The following SLC20A2 variants were observed in gnomAD, a reference collection of about 807,000 sequenced individuals.
The protein encoded by SLC20A2 is sodium-dependent phosphate transporter 2.
A neutral mutation model predicts 61.0 loss-of-function variants in SLC20A2; 30 were observed. The observed-to-expected ratio is 0.49, with a 90% CI of 0.37 to 0.67. SLC20A2 has a LOEUF of 0.67. SLC20A2 is among the 30% of genes least tolerant of loss of function. The pLI, the probability that SLC20A2 is intolerant of heterozygous loss-of-function variation, is 0.00. For synonymous variants in SLC20A2, 351 were observed against 353.3 expected (o/e 0.99, Z 0.07); for missense variants, 626 against 866.4 (o/e 0.72, Z 3.48).
At chr8:42,479,778 T>C (rs1467788129) in intron 1 of SLC20A2, among the ~76,000 whole-genome samples, 9 of 152,094 alleles carry the variant, frequency 5.9e-5, no homozygotes, top group South Asian at 2.1e-4. Context: ...TGACCTGAGA[T>C]TGAGCCACTG....
At position 42,472,531 on chromosome 8, in the gene SLC20A2, G is replaced by T; in HGVS notation, c.-141C>A. Reference sequence around the variant, plus strand: ...AAAGTGCTGGACAATGTTAGAGGCTGGACAAACTGCTAGCTGCTGGTTTGC... The same window carrying T: ...AAAGTGCTGGACAATGTTAGAGGCTTGACAAACTGCTAGCTGCTGGTTTGC... On this transcript the variant is annotated 5_prime_UTR_variant, in exon 2 of 11. Coordinates refer to ENST00000520262, the MANE Select transcript of SLC20A2 (RefSeq NM_001257180.2). This position sits in a 1 kb window ranked among gnomAD's most constrained non-coding sequence, Gnocchi z 4.1. The T allele has an allele frequency of 2.7e-6, 2 of 732,910 alleles. No homozygotes were observed. Among genetic ancestry groups the T allele is most frequent in the Non-Finnish European group, 4.4e-6 (2 of 456,538 alleles). The allele number at this position is 732,910 out of a possible 1,614,324, so 45.4% of individuals were successfully genotyped here. A position where few individuals can be genotyped will look rare whatever the true frequency, so the allele number is the denominator to read the frequency against.
At chr8:42,438,056 AAAAAACC>A (rs1214102511) in intron 7 of SLC20A2, among the ~76,000 whole-genome samples, 25 of 130,034 alleles carry the variant, frequency 1.9e-4, no homozygotes, top group Middle Eastern at 3.5e-3. Context: ...CCACTAAAAA[AAAAAACC>A]AAAAAAAAAA....
intron 10 of SLC20A2, 107 bp downstream of exon 10, chr8:42,428,651 T>C (rs1803601734): frequency 1.1e-6 from 1 of 914,610 alleles, no homozygotes; most frequent in African/African-American, 1.7e-5. Context: ...GGAGCTGCAT[T>C]TTGCACAACC....
intron 1 of SLC20A2, among the ~76,000 whole-genome samples, chr8:42,529,735 G>A (rs1415664654): frequency 6.6e-6 from 1 of 152,136 alleles, no homozygotes; most frequent in Non-Finnish European, 1.5e-5. Flanking sequence ...GAATCTTCCA[G>A]AGAACACAAA....
chr8:42,482,612 C>G (rs948491270), intron 1 of SLC20A2, among the ~76,000 whole-genome samples: 50 of 152,176 alleles, frequency 3.3e-4, no homozygotes, highest in Admixed American at 2.9e-3. Flanking sequence ...ACCCAGCTAC[C>G]CAGGAGGCTG....
chr8:42,443,599 G>C (rs1218957536), intron 6 of SLC20A2, among the ~76,000 whole-genome samples: 1 of 151,678 alleles, frequency 6.6e-6, no homozygotes, highest in East Asian at 1.9e-4. Flanking sequence ...CAAAGTGCTG[G>C]GATTACAGGT....
At position 42,437,613 on chromosome 8, in the gene SLC20A2, T is replaced by C; in HGVS notation, c.935-36A>G. The C allele has an allele frequency of 7.5e-6, 3 of 401,966 alleles. No homozygotes were observed. The highest frequency in any genetic ancestry group is 6.3e-5 in the South Asian group (1 of 15,778). 24.9% of individuals were successfully genotyped at this position (401,966 alleles called of 1,614,324 possible). A position where few individuals can be genotyped will look rare whatever the true frequency, so the allele number is the denominator to read the frequency against. On this transcript the variant is annotated intron_variant, in intron 7 of 10. Transcript: ENST00000520262. The surrounding 1 kb of genome is among the most constrained non-coding windows in gnomAD (Gnocchi z 6.4). ...TTAGAGAAGGTCTCATTTTCCAGTC[T>C]TTTTTTTTTTTTTCTTTTCTTTTTG...
At chr8:42,458,999 G>A (rs1367635662) in intron 5 of SLC20A2, among the ~76,000 whole-genome samples, 1 of 129,924 alleles carries the variant, frequency 7.7e-6, no homozygotes, top group East Asian at 2.3e-4. Flanking sequence ...GCGGCCAGGC[G>A]CAGTGGCTCA....
Position 42,482,043 on chromosome 8 carries a change from G to GA in SLC20A2, c.-264-9390dup, listed in dbSNP as rs1808591709. Among the ~76,000 whole-genome samples, 7 of 152,268 alleles carry GA rather than the reference G, an allele frequency of 4.6e-5. No homozygotes were observed. The South Asian group carries it at 1.4e-3, about 32-fold the overall frequency. ...AGTGCATATATTTTTAAAGGAAAAGGAAACAGCAAAAAATAATTAAAATGA... is the reference window on the plus strand; with the variant it reads ...AGTGCATATATTTTTAAAGGAAAAGGAAAACAGCAAAAAATAATTAAAATGA... On this transcript the variant is annotated intron_variant, in intron 1 of 10. Transcript: ENST00000520262.
intron 2 of SLC20A2, among the ~76,000 whole-genome samples, chr8:42,469,796 C>T (rs1017504986): frequency 1.3e-5 from 2 of 151,780 alleles, no homozygotes; most frequent in Admixed American, 6.6e-5. Flanking sequence ...GGTGTGGTGT[C>T]GGGTGCCTGT....
intron 1 of SLC20A2, among the ~76,000 whole-genome samples, chr8:42,515,799 G>A (rs1317891585): frequency 6.6e-6 from 1 of 152,152 alleles, no homozygotes; most frequent in Non-Finnish European, 1.5e-5. Context: ...AAAAATGTTT[G>A]ACAATATTTA....
intron 1 of SLC20A2, among the ~76,000 whole-genome samples, chr8:42,488,944 T>G (rs553045491): frequency 3.1e-4 from 45 of 143,758 alleles, no homozygotes; most frequent in East Asian, 7.9e-4. Flanking sequence ...TGTTTTTTTT[T>G]TTTTTTTTTT....
At chr8:42,474,279 C>A (rs936125689) in intron 1 of SLC20A2, among the ~76,000 whole-genome samples, 2 of 152,080 alleles carry the variant, frequency 1.3e-5, no homozygotes, top group Non-Finnish European at 2.9e-5. Context: ...CTTTCCTCCC[C>A]AAACTGTATA....
Position 42,417,750 on chromosome 8 carries a change from A to G in SLC20A2, c.*53T>C, listed in dbSNP as rs1802766216. 6.3e-7 allele frequency: 1 copy of G among 1,591,882 alleles called. No individual in the cohort carries two copies. The highest frequency in any genetic ancestry group is 8.6e-7 in the Non-Finnish European group (1 of 1,162,082). The stretch of plus-strand genomic sequence containing the variant: ...TGCGGCACGAGCACACATGTCTCCC[A>G]CACGCCAACACCAGACCATCCCTTT... On this transcript the variant is annotated 3_prime_UTR_variant, in exon 11 of 11. Coordinates refer to ENST00000520262, the MANE Select transcript of SLC20A2 (RefSeq NM_001257180.2).
rs192865886 is a variant in SLC20A2, at chr8:42,433,736, A to G, written c.1523+3253T>C. Among the ~76,000 whole-genome samples the G allele has an allele frequency of 3.1e-3, 473 of 152,382 alleles. 2 individuals are homozygous for G. Among genetic ancestry groups the G allele is most frequent in the Non-Finnish European group, 4.6e-3 (312 of 68,042 alleles). Reference sequence around the variant, plus strand: ...ATAATATTCCAGTGTATGCATGGACATAATTTGTTTCCATTCACCTGGCAG... The same window carrying G: ...ATAATATTCCAGTGTATGCATGGACGTAATTTGTTTCCATTCACCTGGCAG... On this transcript the variant is annotated intron_variant, in intron 8 of 10. Transcript: ENST00000520262.
rs957824104 is a variant in SLC20A2, at chr8:42,540,071, C to T, written c.-265+1750G>A. 4.2e-4 allele frequency among the ~76,000 whole-genome samples: 64 copies of T among 152,212 alleles called. 1 individual carries two copies. Among genetic ancestry groups the T allele is most frequent in the Admixed American group, 2.2e-3 (34 of 15,282 alleles). On this transcript the variant is annotated intron_variant, in intron 1 of 10. Transcript: ENST00000342228. ...CTTTGGGAGGCCGAGGCGGGCGGAACACCTGAGGTCTGGAGTTCGAGACCA... is the reference window on the plus strand; with the variant it reads ...CTTTGGGAGGCCGAGGCGGGCGGAATACCTGAGGTCTGGAGTTCGAGACCA...
intron 8 of SLC20A2, among the ~76,000 whole-genome samples, chr8:42,436,272 C>T (rs1232039337): frequency 6.6e-6 from 1 of 152,114 alleles, no homozygotes; most frequent in Non-Finnish European, 1.5e-5. Context: ...GCACCCAGCC[C>T]GGCCTGTCCT....
At chr8:42,495,279 T>C (rs1343559209) in intron 1 of SLC20A2, among the ~76,000 whole-genome samples, 1 of 152,194 alleles carries the variant, frequency 6.6e-6, no homozygotes, top group Non-Finnish European at 1.5e-5. Flanking sequence ...TGTACAGAAA[T>C]GAAAATAGCT....
At chr8:42,436,478 G>A (rs1306370518) in intron 8 of SLC20A2, among the ~76,000 whole-genome samples, 1 of 152,142 alleles carries the variant, frequency 6.6e-6, no homozygotes, top group East Asian at 1.9e-4. Flanking sequence ...CAAAGCCAGT[G>A]CCCCTGTCAA....
Sources: allele counts gnomAD v4.1 joint callset (sites outside exome capture counted in the v4.1 genomes callset), GRCh38; gene constraint gnomAD v4.1.1; non-coding constraint Gnocchi (gnomAD v3.1); transcripts MANE v1.5; gene names NCBI Gene and HGNC (gene_info 2026-07-23, HGNC 2026-07-21).